Variants in MYOZ2 observed in about 807,000 individuals in gnomAD.
MYOZ2 encodes the protein myozenin-2.
MYOZ2 carries 19 observed loss-of-function variants against 25.4 expected under a neutral mutation model. The observed-to-expected ratio is 0.75, with a 90% CI of 0.52 to 1.10. The LOEUF (loss-of-function observed/expected upper bound fraction) is 1.10, where lower values mean the gene tolerates loss of function less well. MYOZ2 is among the 50% of genes least tolerant of loss of function. The pLI, the probability that MYOZ2 is intolerant of heterozygous loss-of-function variation, is 0.00. For synonymous variants in MYOZ2, 92 were observed against 106.9 expected (o/e 0.86, Z 0.86); for missense variants, 270 against 317.9 (o/e 0.85, Z 1.15).
chr4:119,170,287 T>G (rs1475782497), intron 5 of MYOZ2, among the ~76,000 whole-genome samples: 1 of 151,914 alleles, frequency 6.6e-6, no homozygotes, highest in Non-Finnish European at 1.5e-5. Flanking sequence ...TTTGTTGTTT[T>G]TTTTTTTTGT....
chr4:119,171,832 C>CAAA (rs1741954954), intron 5 of MYOZ2, among the ~76,000 whole-genome samples: 1 of 150,856 alleles, frequency 6.6e-6, no homozygotes, highest in South Asian at 2.1e-4. Flanking sequence ...CACACACACA[C>CAAA]ACAAAACAAA....
chr4:119,159,046 G>A (rs796990990), intron 4 of MYOZ2, among the ~76,000 whole-genome samples: 1 of 152,098 alleles, frequency 6.6e-6, no homozygotes, highest in Non-Finnish European at 1.5e-5. Context: ...ATTGCATGCT[G>A]TTATCAAAAT....
At chr4:119,181,322 T>A (rs986975262) in intron 5 of MYOZ2, among the ~76,000 whole-genome samples, 2 of 152,218 alleles carry the variant, frequency 1.3e-5, no homozygotes, top group East Asian at 3.8e-4. Context: ...GTTTTCCATA[T>A]CTTTGGTTCA....
At chr4:119,152,771 T>C (rs533152606) in intron 3 of MYOZ2, among the ~76,000 whole-genome samples, 16 of 152,246 alleles carry the variant, frequency 1.1e-4, no homozygotes, top group African/African-American at 3.8e-4. Flanking sequence ...AATAATAATA[T>C]ATGCAATAAA....
intron 3 of MYOZ2, 148 bp from the exon 4 acceptor site, chr4:119,157,874 A>G: frequency 3.3e-6 from 3 of 905,670 alleles, no homozygotes; most frequent in Non-Finnish European, 1.7e-6. Flanking sequence ...CCATCTTACT[A>G]TGAAAAAAAT....
In MYOZ2 at chr4:119,135,916, C is replaced by G. The variant is rs1463156752; in HGVS notation, c.-81C>G. On this transcript the variant is annotated 5_prime_UTR_variant, in exon 1 of 6. Transcript: ENST00000307128. The stretch of plus-strand genomic sequence containing the variant: ...TCAGGCCCAAGTGCCATCCATAGTC[C>G]ATCTCCAGAGTCTTCCTCCACAAAC... The G allele has an allele frequency of 4.4e-5, 7 of 160,214 alleles. No homozygotes were observed. Among genetic ancestry groups the G allele is most frequent in the Admixed American group, 4.2e-4 (7 of 16,644 alleles). 9.9% of individuals were successfully genotyped at this position (160,214 alleles called of 1,614,324 possible). A position where few individuals can be genotyped will look rare whatever the true frequency, so the allele number is the denominator to read the frequency against.
At chr4:119,177,678 C>G (rs760786485) in intron 5 of MYOZ2, among the ~76,000 whole-genome samples, 1 of 152,152 alleles carries the variant, frequency 6.6e-6, no homozygotes, top group African/African-American at 2.4e-5. Context: ...ACATAGCCTG[C>G]CTTTTCTCTT....
At position 119,186,122 on chromosome 4, in the gene MYOZ2, GAT is replaced by G; in HGVS notation, c.720_721del (p.Ser241Ter). On this transcript the variant is annotated frameshift_variant, in exon 6 of 6. Coordinates refer to ENST00000307128, the MANE Select transcript of MYOZ2 (RefSeq NM_016599.5). LOFTEE classifies it high-confidence loss of function. ...CCTTTAATAGGACTCCTAAGGGATG[GAT>G]ATCTGAGAATATTCCTATAGTGATA... is the stretch of plus-strand genomic sequence containing the variant. ...RSFNRTPKGW[I>X]SENIPIVITT... 1 of 1,613,908 alleles carries G rather than the reference GAT, an allele frequency of 6.2e-7. No individual in the cohort carries two copies. The highest frequency in any genetic ancestry group is 8.5e-7 in the Non-Finnish European group (1 of 1,179,938).
At chr4:119,139,497 G>A (rs1741112824) in intron 2 of MYOZ2, among the ~76,000 whole-genome samples, 1 of 152,150 alleles carries the variant, frequency 6.6e-6, no homozygotes, top group Non-Finnish European at 1.5e-5. Flanking sequence ...ATATTTTCCA[G>A]TATTAATCAT....
At chr4:119,183,523 A>AT (rs1046812967) in intron 5 of MYOZ2, among the ~76,000 whole-genome samples, 1 of 152,164 alleles carries the variant, frequency 6.6e-6, no homozygotes, top group African/African-American at 2.4e-5. Context: ...CAAAACCTGC[A>AT]TGATTGACCT....
At chr4:119,149,544 T>A (rs1578728861) in intron 2 of MYOZ2, among the ~76,000 whole-genome samples, 1 of 152,332 alleles carries the variant, frequency 6.6e-6, no homozygotes, top group Non-Finnish European at 1.5e-5. Context: ...TTGGTGTTTC[T>A]GGGTTGCCAT....
chr4:119,163,462 C>T (rs1044431893), intron 4 of MYOZ2, among the ~76,000 whole-genome samples: 1 of 152,104 alleles, frequency 6.6e-6, no homozygotes, highest in Non-Finnish European at 1.5e-5. Context: ...AAGAGTGTCA[C>T]TCTATGCATG....
chr4:119,139,925 C>T (rs1741125958), intron 2 of MYOZ2, among the ~76,000 whole-genome samples: 1 of 137,196 alleles, frequency 7.3e-6, no homozygotes, highest in Non-Finnish European at 1.7e-5. Context: ...CCCCAGCACA[C>T]TGAAGAGAAC....
chr4:119,136,456 G>T, intron 1 of MYOZ2, 56 bp from the exon 2 acceptor site: 2 of 1,425,544 alleles, frequency 1.4e-6, no homozygotes, highest in Admixed American at 3.4e-5. Flanking sequence ...GTGATTATAA[G>T]ACACTCCAAA....
At chr4:119,150,336 T>C (rs983702083) in intron 2 of MYOZ2, among the ~76,000 whole-genome samples, 3 of 152,006 alleles carry the variant, frequency 2.0e-5, no homozygotes, top group Non-Finnish European at 4.4e-5. Flanking sequence ...TTGAGCTGGA[T>C]TGGGGAAAAA....
chr4:119,168,242 G>A (rs997970700), intron 5 of MYOZ2, among the ~76,000 whole-genome samples: 1 of 152,212 alleles, frequency 6.6e-6, no homozygotes. Flanking sequence ...AAAGTGCTGG[G>A]ATTATGGGCG....
chr4:119,185,373 G>A (rs1419805734), intron 5 of MYOZ2, among the ~76,000 whole-genome samples: 1 of 151,954 alleles, frequency 6.6e-6, no homozygotes, highest in African/African-American at 2.4e-5. Flanking sequence ...AGAGTGCAGT[G>A]GCATGATCTT....
At chr4:119,177,118 T>C (rs1452257190) in intron 5 of MYOZ2, among the ~76,000 whole-genome samples, 1 of 152,224 alleles carries the variant, frequency 6.6e-6, no homozygotes, top group African/African-American at 2.4e-5. Flanking sequence ...CATACCAAAA[T>C]GACGCCATTT....
At chr4:119,180,892 C>A (rs117876714) in intron 5 of MYOZ2, among the ~76,000 whole-genome samples, 1 of 152,102 alleles carries the variant, frequency 6.6e-6, no homozygotes. Context: ...ATTCTTATTG[C>A]CAGTACTTTT....
Sources: allele counts gnomAD v4.1 joint callset (sites outside exome capture counted in the v4.1 genomes callset), GRCh38; gene constraint gnomAD v4.1.1; transcripts MANE v1.5; gene names NCBI Gene and HGNC (gene_info 2026-07-23, HGNC 2026-07-21).